PTPN20: variants seen among roughly 807,000 people sequenced by gnomAD.
PTPN20 encodes the protein protein tyrosine phosphatase non-receptor type 20, also known as tyrosine-protein phosphatase non-receptor type 20.
Under a neutral mutation model 35.0 loss-of-function variants are expected in PTPN20, and 9 were observed. That is an observed-to-expected ratio of 0.26 (90% CI 0.15 to 0.45). The LOEUF is 0.45. PTPN20 is among the 20% of genes least tolerant of loss of function. The pLI is 1.00. For synonymous variants in PTPN20, 32 were observed against 100.2 expected, an observed-to-expected ratio of 0.32 and a Z score of 4.06; for missense variants, 111 against 312.5, an observed-to-expected ratio of 0.36 and a Z score of 4.86.
At chr10:46,951,174 T>C (rs1396966885) in intron 5 of PTPN20, among the ~76,000 whole-genome samples, 22 of 152,098 alleles carry the variant, frequency 1.4e-4, no homozygotes, top group Admixed American at 1.4e-3. Flanking sequence ...TTTGTATTTT[T>C]AATAGAGTCC....
intron 5 of PTPN20, chr10:46,947,983 G>A (rs2045495927): frequency 2.2e-6 from 1 of 452,722 alleles, no homozygotes; most frequent in African/African-American, 2.0e-5. Flanking sequence ...GGATTGCTGG[G>A]TCATAAGTGT....
intron 2 of PTPN20, among the ~76,000 whole-genome samples, chr10:46,938,942 TTTTG>T (rs1379434226): frequency 6.6e-6 from 1 of 151,168 alleles, no homozygotes; most frequent in Non-Finnish European, 1.5e-5. Flanking sequence ...ACTTTTCATT[TTTTG>T]TTTGTCAGGT....
intron 1 of PTPN20, among the ~76,000 whole-genome samples, chr10:46,930,844 T>G (rs2039360380): frequency 7.2e-6 from 1 of 138,614 alleles, no homozygotes; most frequent in Non-Finnish European, 1.5e-5. Context: ...CAAGTGATCT[T>G]CCCACCTCGG....
chr10:46,997,401 T>C (rs1324392174), intron 9 of PTPN20, among the ~76,000 whole-genome samples: 1 of 151,482 alleles, frequency 6.6e-6, no homozygotes, highest in Non-Finnish European at 1.5e-5. Context: ...GTGTTCTACA[T>C]AGACAGTCAT....
At position 46,922,980 on chromosome 10, in the gene PTPN20, T is replaced by C. The variant is rs1187223879; in HGVS notation, c.-123-9397T>C. Among the ~76,000 whole-genome samples the C allele has an allele frequency of 5.9e-5, 8 of 135,474 alleles. No individual in the cohort carries two copies. The East Asian group carries it at 1.4e-3, about 24-fold the overall frequency. The allele number at this position is 135,474 out of a possible 152,430, so 88.9% of individuals were successfully genotyped here. The stretch of plus-strand genomic sequence containing the variant: ...TTTAGGTGATTTAGGAGATGAGATT[T>C]GGGACATTACAGTTGATATTTAGAG... On this transcript the variant is annotated intron_variant, in intron 1 of 10. Transcript: ENST00000374339.
At chr10:46,940,758 A>C (rs1343972457) in intron 3 of PTPN20, 41 bp downstream of exon 3, 2 of 1,493,170 alleles carry the variant, frequency 1.3e-6, no homozygotes, top group African/African-American at 2.9e-5. Flanking sequence ...ATTTTGGCTA[A>C]TACCTAAATT....
At chr10:46,991,955 T>C (rs995760994) in intron 9 of PTPN20, among the ~76,000 whole-genome samples, 1 of 152,242 alleles carries the variant, frequency 6.6e-6, no homozygotes, top group East Asian at 1.9e-4. Flanking sequence ...ATTTCTTAAA[T>C]TTGCCTATTG....
intron 9 of PTPN20, 36 bp from the exon 10 acceptor site, chr10:46,999,876 T>C: frequency 6.2e-7 from 1 of 1,611,954 alleles, no homozygotes; most frequent in East Asian, 2.2e-5. Context: ...TTTTCCCCCA[T>C]GTGGATCATA....
At chr10:47,000,026 C>A in intron 10 of PTPN20, 52 bp downstream of exon 10, 1 of 1,605,776 alleles carries the variant, frequency 6.2e-7, no homozygotes, top group Non-Finnish European at 8.5e-7. Context: ...TAAAGATTAA[C>A]ATTGCATAAC....
intron 9 of PTPN20, among the ~76,000 whole-genome samples, chr10:46,996,063 C>G (rs2059052080): frequency 1.3e-5 from 2 of 152,124 alleles, no homozygotes; most frequent in Non-Finnish European, 1.5e-5. Context: ...TCTTTTTAAT[C>G]TAATTCTCTT....
chr10:46,960,709 CT>C (rs1298845174), intron 5 of PTPN20, among the ~76,000 whole-genome samples: 1,789 of 151,888 alleles, frequency 0.012, 4 homozygotes, highest in African/African-American at 0.041. Flanking sequence ...TGTGTGTACT[CT>C]ATAATTTTTT....
At chr10:46,918,623 A>T in intron 1 of PTPN20, among the ~76,000 whole-genome samples, 1 of 135,584 alleles carries the variant, frequency 7.4e-6, no homozygotes, top group African/African-American at 3.3e-5. Flanking sequence ...TTCCTTTGTC[A>T]CTTCTTTGAA....
chr10:47,000,982 A>G lies in PTPN20; in HGVS notation c.*241A>G, dbSNP rs2059974200. ...ATAACTTCCCACATTTTCCAGTGAA[A>G]CAGATGTTACATAAAACGATTGCAG... On this transcript the variant is annotated 3_prime_UTR_variant, in exon 11 of 11. Transcript: ENST00000374339. 1.7e-6 allele frequency: 1 copy of G among 575,236 alleles called. No homozygotes were observed. The highest frequency in any genetic ancestry group is 3.1e-6 in the Non-Finnish European group (1 of 317,798). 35.6% of individuals were successfully genotyped at this position (575,236 alleles called of 1,614,324 possible).
intron 7 of PTPN20, among the ~76,000 whole-genome samples, chr10:46,976,534 A>G (rs1185422238): frequency 2.2e-5 from 2 of 89,946 alleles, no homozygotes; most frequent in East Asian, 5.7e-4. Flanking sequence ...AGTGTTTTAG[A>G]TGAGAACTGT....
At chr10:46,985,338 G>A (rs2056681260) in intron 8 of PTPN20, among the ~76,000 whole-genome samples, 1 of 149,030 alleles carries the variant, frequency 6.7e-6, no homozygotes, top group Non-Finnish European at 1.5e-5. Flanking sequence ...AACTACGGCT[G>A]TTGGCATGGG....
chr10:46,925,522 CTTT>C lies in PTPN20; in HGVS notation c.-123-6839_-123-6837del, dbSNP rs1271555570. ...GCTGCTGCTGCTGCTGCTGCTTCCT[CTTT>C]TTTTTTTTTTTTTTTCCAGGCTGCA... On this transcript the variant is annotated intron_variant, in intron 1 of 10. Transcript: ENST00000374339. Among the ~76,000 whole-genome samples the C allele has an allele frequency of 5.3e-3, 712 of 134,034 alleles. 21 individuals carry two copies. The highest frequency in any genetic ancestry group is 0.013 in the African/African-American group (455 of 35,116). 87.9% of individuals were successfully genotyped at this position (134,034 alleles called of 152,430 possible).
intron 9 of PTPN20, among the ~76,000 whole-genome samples, chr10:46,998,327 C>T (rs896776154): frequency 6.6e-6 from 1 of 152,118 alleles, no homozygotes; most frequent in Non-Finnish European, 1.5e-5. Context: ...ACACCAACAA[C>T]TTGGATGGAT....
rs1283046045 is a variant in PTPN20 at position 46,944,789 on chromosome 10, A to AT, written c.227+780dup. ...TGTATACAAATACAAACTACTATAT[A>AT]TTTTTTGCTCTTTAGTTCACAGTTT... On this transcript the variant is annotated intron_variant, in intron 4 of 10. Coordinates refer to ENST00000374339, the MANE Select transcript of PTPN20 (RefSeq NM_001042357.5). 2.7e-5 allele frequency among the ~76,000 whole-genome samples: 4 copies of AT among 147,498 alleles called. No homozygotes were observed. The East Asian group carries it at 7.7e-4, about 29-fold the overall frequency.
chr10:46,951,226 A>G (rs537187144), intron 5 of PTPN20, among the ~76,000 whole-genome samples: 1 of 152,232 alleles, frequency 6.6e-6, no homozygotes, highest in Non-Finnish European at 1.5e-5. Context: ...AACTCCTGAC[A>G]TTGTGATCCA....
Sources: allele counts gnomAD v4.1 joint callset (sites outside exome capture counted in the v4.1 genomes callset), GRCh38; gene constraint gnomAD v4.1.1; transcripts MANE v1.5; gene names NCBI Gene and HGNC (gene_info 2026-07-23, HGNC 2026-07-21).